The following CAMK2D variants were observed in gnomAD, a reference collection of about 807,000 sequenced individuals.
CAMK2D encodes the protein calcium/calmodulin-dependent protein kinase type II subunit delta.
A neutral mutation model predicts 84.0 loss-of-function variants in CAMK2D; 37 were observed. The observed-to-expected ratio is 0.44, with a 90% CI of 0.34 to 0.58. The LOEUF (loss-of-function observed/expected upper bound fraction) is 0.58, where lower values mean the gene tolerates loss of function less well. CAMK2D is among the 20% of genes least tolerant of loss of function. The probability of loss-of-function intolerance (pLI) is 0.02; values close to 1 mark genes in which losing one functional copy is unlikely to be tolerated. For missense variants in CAMK2D, 448 were observed against 652.5 expected (o/e 0.69, Z 3.41); for synonymous variants, 202 against 212.5 (o/e 0.95, Z 0.43).
At chr4:113,744,895 G>A (rs2099600873) in intron 2 of CAMK2D, among the ~76,000 whole-genome samples, 1 of 152,152 alleles carries the variant, frequency 6.6e-6, no homozygotes, top group Non-Finnish European at 1.5e-5. Flanking sequence ...TGAATATATT[G>A]TGTATACCTC....
intron 15 of CAMK2D, among the ~76,000 whole-genome samples, chr4:113,502,611 CA>C (rs754004030): frequency 2.6e-4 from 40 of 151,470 alleles, no homozygotes; most frequent in Admixed American, 1.1e-3. Flanking sequence ...AATATATCTA[CA>C]GTACAAAGCA....
intron 8 of CAMK2D, among the ~76,000 whole-genome samples, chr4:113,530,458 G>A (rs530005750): frequency 6.6e-6 from 1 of 152,248 alleles, no homozygotes; most frequent in East Asian, 1.9e-4. Flanking sequence ...TTAAATTTCA[G>A]ATTTTTTGAT....
rs1241963868 is a variant in CAMK2D, at chr4:113,453,277, G to A, written c.*1268C>T. The A allele has an allele frequency of 6.6e-6, 1 of 152,136 alleles. No individual in the cohort carries two copies. Among genetic ancestry groups the A allele is most frequent in the African/African-American group, 2.4e-5 (1 of 41,432 alleles). The allele number at this position is 152,136 out of a possible 1,614,324, so 9.4% of individuals were successfully genotyped here. On this transcript the variant is annotated 3_prime_UTR_variant, in exon 21 of 21. Transcript: ENST00000511664. Reference sequence around the variant, plus strand: ...TCAAGTTCAAAACACTTATGAGAATGGCAAACATTTGTAAGCCTCTCTAAC... The same window carrying A: ...TCAAGTTCAAAACACTTATGAGAATAGCAAACATTTGTAAGCCTCTCTAAC...
chr4:113,610,122 C>CG (rs1185623634), intron 3 of CAMK2D, among the ~76,000 whole-genome samples: 3 of 151,886 alleles, frequency 2.0e-5, no homozygotes, highest in African/African-American at 2.4e-5. Context: ...ACTCATGTCA[C>CG]GGGGGTTGAT....
At chr4:113,721,757 A>C (rs1245393564) in intron 2 of CAMK2D, among the ~76,000 whole-genome samples, 2 of 152,212 alleles carry the variant, frequency 1.3e-5, no homozygotes, top group African/African-American at 4.8e-5. Context: ...ATCCCAGCAG[A>C]GAGCCCAAAA....
intron 16 of CAMK2D, 151 bp from the exon 17 acceptor site, chr4:113,465,755 C>A: frequency 1.7e-6 from 1 of 596,998 alleles, no homozygotes; most frequent in Non-Finnish European, 3.0e-6. Context: ...GCCTTGACCT[C>A]CTGGGCTCAA....
chr4:113,633,604 T>C (rs1408286435), intron 3 of CAMK2D, among the ~76,000 whole-genome samples: 1 of 152,188 alleles, frequency 6.6e-6, no homozygotes, highest in Non-Finnish European at 1.5e-5. Context: ...TAGTCATTGC[T>C]ACAACTGTCA....
intron 16 of CAMK2D, among the ~76,000 whole-genome samples, chr4:113,487,518 C>G (rs2097777127): frequency 1.3e-5 from 2 of 151,922 alleles, no homozygotes; most frequent in Admixed American, 6.6e-5. Flanking sequence ...TAGGATTTAA[C>G]TTCTATATAG....
intron 16 of CAMK2D, among the ~76,000 whole-genome samples, chr4:113,491,789 T>C (rs2097847310): frequency 6.6e-6 from 1 of 152,130 alleles, no homozygotes; most frequent in African/African-American, 2.4e-5. Context: ...TTTTGGTTGG[T>C]AAACTATTGA....
At chr4:113,529,207 C>T (rs2098441951) in intron 8 of CAMK2D, among the ~76,000 whole-genome samples, 4 of 152,080 alleles carry the variant, frequency 2.6e-5, no homozygotes, top group Admixed American at 2.0e-4. Flanking sequence ...CCTATTTTAC[C>T]ACTGCCTTCC....
chr4:113,587,324 A>G (rs572863832), intron 4 of CAMK2D, among the ~76,000 whole-genome samples: 1 of 152,336 alleles, frequency 6.6e-6, no homozygotes, highest in Non-Finnish European at 1.5e-5. Context: ...TTACAAAATC[A>G]AAATGACTTT....
Position 113,761,707 on chromosome 4 carries a change from G to A in CAMK2D, c.-639C>T, listed in dbSNP as rs1236666044. The A allele has an allele frequency of 2.4e-5, 23 of 957,872 alleles. No individual in the cohort carries two copies. The highest frequency in any genetic ancestry group is 2.9e-5 in the Non-Finnish European group (23 of 804,826). 59.3% of individuals were successfully genotyped at this position (957,872 alleles called of 1,614,324 possible). ...GCGGCCTCGCGCTGCTCACGAGCCC[G>A]CGCGGCTTCAAGACGGCGCGGCGAG... On this transcript the variant is annotated 5_prime_UTR_variant, in exon 1 of 21. Coordinates refer to ENST00000511664, the MANE Select transcript of CAMK2D (RefSeq NM_001321571.2).
At chr4:113,705,471 C>T (rs112317958) in intron 2 of CAMK2D, among the ~76,000 whole-genome samples, 1 of 152,140 alleles carries the variant, frequency 6.6e-6, no homozygotes, top group African/African-American at 2.4e-5. Context: ...AGGAACCACC[C>T]AAAGGCCTTT....
intron 16 of CAMK2D, among the ~76,000 whole-genome samples, chr4:113,466,836 C>G (rs879822501): frequency 6.6e-6 from 1 of 152,182 alleles, no homozygotes; most frequent in African/African-American, 2.4e-5. Context: ...TATGCTATCT[C>G]TTGATACCTT....
At chr4:113,735,289 G>GAA (rs769117708) in intron 2 of CAMK2D, among the ~76,000 whole-genome samples, 43 of 44,756 alleles carry the variant, frequency 9.6e-4, no homozygotes, top group Admixed American at 1.1e-3. Context: ...ATCTCTACAG[G>GAA]AAAAAAAAAA....
intron 1 of CAMK2D, among the ~76,000 whole-genome samples, chr4:113,760,707 G>C (rs546296222): frequency 6.6e-6 from 1 of 152,246 alleles, no homozygotes; most frequent in South Asian, 2.1e-4. Flanking sequence ...CAGGATGATA[G>C]CTACAACTGC....
rs2098381130 is a variant in CAMK2D at position 113,522,975 on chromosome 4, C to A, written c.602-5318G>T. ...AGATATTTAGTCCATGAGGATGGGT[C>A]CCTCATGAACAGGAACAGCACCCTT... On this transcript the variant is annotated intron_variant, in intron 8 of 20. Transcript: ENST00000511664. Among the ~76,000 whole-genome samples the A allele has an allele frequency of 3.3e-5, 5 of 151,930 alleles. No individual in the cohort carries two copies. In the South Asian group the frequency reaches 1.0e-3, roughly 32 times the overall value.
intron 16 of CAMK2D, among the ~76,000 whole-genome samples, chr4:113,466,386 T>C (rs908312454): frequency 6.6e-6 from 1 of 152,164 alleles, no homozygotes; most frequent in African/African-American, 2.4e-5. Context: ...TTAAAAACAA[T>C]CTTAAAAAGT....
rs527297629 is a variant in CAMK2D, at chr4:113,505,287, A to G, written c.985-252T>C. Among the ~76,000 whole-genome samples the G allele has an allele frequency of 2.0e-5, 3 of 152,358 alleles. No individual in the cohort carries two copies. In the East Asian group the frequency reaches 5.8e-4, roughly 29 times the overall value. ...CTGCTGTTGCTATGCCACCTTAGCA[A>G]ACAAAGAGCTGCTTCAGTGGAGCTC... On this transcript the variant is annotated intron_variant, in intron 13 of 20. Coordinates refer to ENST00000511664, the MANE Select transcript of CAMK2D (RefSeq NM_001321571.2).
Sources: gnomAD v4.1 joint callset for allele counts (sites outside exome capture counted in the v4.1 genomes callset) on GRCh38, gnomAD v4.1.1 for gene constraint, MANE v1.5 for transcripts, NCBI Gene and HGNC (gene_info 2026-07-23, HGNC 2026-07-21) for gene names.